TEX14: variants seen among roughly 807,000 people sequenced by gnomAD.
TEX14 encodes the protein inactive serine/threonine-protein kinase TEX14.
TEX14 carries 168 observed loss-of-function variants against 178.6 expected under a neutral mutation model. The observed-to-expected ratio is 0.94, with a 90% CI of 0.83 to 1.07. TEX14 has a LOEUF of 1.07. TEX14 is among the 50% of genes least tolerant of loss of function. The pLI, the probability that TEX14 is intolerant of heterozygous loss-of-function variation, is 0.00. For synonymous variants in TEX14, 626 were observed against 634.1 expected (o/e 0.99, Z 0.19); for missense variants, 1,730 against 1,753.6 (o/e 0.99, Z 0.24).
intron 2 of TEX14, among the ~76,000 whole-genome samples, chr17:58,646,388 A>G (rs1291384654): frequency 1.3e-5 from 2 of 152,114 alleles, no homozygotes; most frequent in African/African-American, 2.4e-5. Context: ...GTTTCATCTC[A>G]CATCTCTCTC....
chr17:58,573,390 G>C (rs1188217011), intron 22 of TEX14, 82 bp from the exon 23 acceptor site: 3 of 1,410,222 alleles, frequency 2.1e-6, no homozygotes, highest in Non-Finnish European at 2.9e-6. Context: ...TACTTTTTAA[G>C]TATAATCTTA....
intron 5 of TEX14, among the ~76,000 whole-genome samples, chr17:58,619,720 T>C (rs2045953360): frequency 6.7e-6 from 1 of 148,972 alleles, no homozygotes; most frequent in South Asian, 2.1e-4. Flanking sequence ...GAGAATTGCT[T>C]GAACCCAGGA....
rs781177205 is a variant in TEX14, at chr17:58,585,946, GCTC to G, written c.2922_2924del (p.Arg974del). 27 of 1,614,018 alleles carry G rather than the reference GCTC, an allele frequency of 1.7e-5. No homozygotes were observed. The African/African-American group carries it at 2.9e-4, about 18-fold the overall frequency. The stretch of plus-strand genomic sequence containing the variant: ...CTCGCTGCCAATCCGTGTTTTCTGG[GCTC>G]CTAATGGGGGGCTGCAGCAGGGCGT... On this transcript the variant is annotated inframe_deletion, in exon 18 of 32. Coordinates refer to ENST00000349033, the MANE Select transcript of TEX14 (RefSeq NM_031272.5).
intron 2 of TEX14, among the ~76,000 whole-genome samples, chr17:58,632,996 A>G (rs1436616815): frequency 1.3e-5 from 2 of 152,122 alleles, no homozygotes; most frequent in African/African-American, 4.8e-5. Flanking sequence ...TGGAAAGGTA[A>G]GTGTATTTCT....
intron 1 of TEX14, among the ~76,000 whole-genome samples, chr17:58,685,011 A>G (rs2143587414): frequency 6.6e-6 from 1 of 152,348 alleles, no homozygotes; most frequent in East Asian, 1.9e-4. Context: ...ATGGTTAGAA[A>G]ATAAAATTAA....
intron 18 of TEX14, 146 bp from the exon 19 acceptor site, chr17:58,584,746 T>C: frequency 3.1e-6 from 2 of 651,868 alleles, no homozygotes; most frequent in East Asian, 2.7e-5. Context: ...GTCCAGAGAG[T>C]AGAGACTGTT....
At chr17:58,658,641 T>C (rs1202915823) in intron 1 of TEX14, among the ~76,000 whole-genome samples, 7 of 152,020 alleles carry the variant, frequency 4.6e-5, no homozygotes, top group African/African-American at 1.7e-4. Flanking sequence ...TCCACCCACC[T>C]CGGCCTCCCA....
intron 30 of TEX14, 119 bp from the exon 31 acceptor site, chr17:58,557,969 G>T: frequency 1.5e-6 from 1 of 671,068 alleles, no homozygotes; most frequent in Non-Finnish European, 2.5e-6. Flanking sequence ...TACAATGGTT[G>T]TTATATTCTG....
chr17:58,579,780 G>T (rs756983608), intron 19 of TEX14, 49 bp from the exon 20 acceptor site: 2 of 1,411,718 alleles, frequency 1.4e-6, no homozygotes, highest in Non-Finnish European at 2.0e-6. Flanking sequence ...ACTGGAGGCA[G>T]ACATATTAAA....
intron 2 of TEX14, among the ~76,000 whole-genome samples, 169 bp from the exon 3 acceptor site, chr17:58,630,723 C>T (rs1406928966): frequency 6.6e-6 from 1 of 151,976 alleles, no homozygotes; most frequent in Non-Finnish European, 1.5e-5. Context: ...CATAGATATA[C>T]TGGAAGGCAA....
chr17:58,668,400 C>A (rs2047249151), intron 1 of TEX14, among the ~76,000 whole-genome samples: 1 of 152,198 alleles, frequency 6.6e-6, no homozygotes, highest in Admixed American at 6.6e-5. Context: ...CCTGGAGGAG[C>A]TGCAGTAACT....
In TEX14 at chr17:58,630,471, C is replaced by A. The variant is rs1193602534; in HGVS notation, c.220G>T (p.Val74Phe). The A allele has an allele frequency of 6.2e-7, 1 of 1,613,872 alleles. No homozygotes were observed. The highest frequency in any genetic ancestry group is 8.5e-7 in the Non-Finnish European group (1 of 1,179,882). ...ALLGLRKFVD[V>F]LVDYGSDPNH... The stretch of plus-strand genomic sequence containing the variant: ...GGATCTGATCCATAATCCACCAGAA[C>A]ATCAACGAATTTCCTAAGGCCCAAT... Residue 74 changes from valine to phenylalanine, a missense_variant, in exon 3 of 32, where the codon GTT (valine) becomes TTT (phenylalanine). Coordinates refer to ENST00000349033, the MANE Select transcript of TEX14 (RefSeq NM_031272.5).
intron 1 of TEX14, among the ~76,000 whole-genome samples, chr17:58,654,519 T>G (rs1230713355): frequency 1.3e-5 from 2 of 148,690 alleles, no homozygotes; most frequent in East Asian, 1.9e-4. Flanking sequence ...TTTTTTTTTT[T>G]TTTTGGAGAC....
intron 1 of TEX14, among the ~76,000 whole-genome samples, chr17:58,663,363 A>C (rs2143395326): frequency 6.7e-6 from 1 of 149,792 alleles, no homozygotes; most frequent in South Asian, 2.2e-4. Flanking sequence ...CGGAGGTTGC[A>C]GTAAGCCGAG....
chr17:58,631,927 A>T (rs1418332294), intron 2 of TEX14: 3 of 152,228 alleles, frequency 2.0e-5, no homozygotes, highest in Admixed American at 2.0e-4. Flanking sequence ...TCCTCTCGAA[A>T]ATATTACTAT....
At position 58,603,396 on chromosome 17, in the gene TEX14, A is replaced by G. The variant is rs183253407; in HGVS notation, c.1337-806T>C. Among the ~76,000 whole-genome samples, 292 of 151,738 alleles carry G rather than the reference A, an allele frequency of 1.9e-3. 1 individual carries two copies. The highest frequency in any genetic ancestry group is 6.7e-3 in the African/African-American group (275 of 41,328). On this transcript the variant is annotated intron_variant, in intron 11 of 31. Transcript: ENST00000349033. Reference sequence around the variant, plus strand: ...CAGTGAAATCCCATCCCTACTAAAAATACAAAAATTAGCTGGGTGTGGTGG... The same window carrying G: ...CAGTGAAATCCCATCCCTACTAAAAGTACAAAAATTAGCTGGGTGTGGTGG...
intron 3 of TEX14, among the ~76,000 whole-genome samples, chr17:58,628,596 C>T (rs2046205184): frequency 6.6e-6 from 1 of 152,098 alleles, no homozygotes; most frequent in Non-Finnish European, 1.5e-5. Context: ...CTTGTAGTCC[C>T]AGCTACTAGG....
In TEX14 at chr17:58,598,992, G is replaced by T. The variant is rs776292844; in HGVS notation, c.2353C>A (p.Pro785Thr). 3 of 1,614,074 alleles carry T rather than the reference G, an allele frequency of 1.9e-6. No individual in the cohort carries two copies. Among genetic ancestry groups the T allele is most frequent in the South Asian group, 2.2e-5 (2 of 91,086 alleles). ...AAAGATGGAGGGCCCACGGCCAGAG[G>T]TAACTTGTAGGCATTTGTAAACTCT... ...SREFTNAYKLPLAVGPPSLNY... is the reference protein window; with the variant it reads ...SREFTNAYKLTLAVGPPSLNY... Residue 785 changes from proline to threonine, a missense_variant, in exon 14 of 32, where the codon CCT becomes ACT. By Grantham distance (38) the Pro-to-Thr change is conservative. This residue lies in a region of TEX14 where 941 missense variants were observed against 1,072.4 expected (regional missense o/e 0.88). Coordinates refer to ENST00000349033, the MANE Select transcript of TEX14 (RefSeq NM_031272.5).
intron 2 of TEX14, among the ~76,000 whole-genome samples, chr17:58,635,120 G>A (rs367692678): frequency 5.3e-4 from 76 of 144,360 alleles, no homozygotes; most frequent in African/African-American, 1.7e-3. Flanking sequence ...TTGACAAAGC[G>A]AAACTCTGTC....
Sources: gnomAD v4.1 joint callset for allele counts (sites outside exome capture counted in the v4.1 genomes callset) on GRCh38, gnomAD v4.1.1 for gene constraint, gnomAD v4.1.1 regional missense constraint, MANE v1.5 for transcripts, NCBI Gene and HGNC (gene_info 2026-07-23, HGNC 2026-07-21) for gene names.